Variants in MAGI2 observed in about 807,000 individuals in gnomAD.
The protein encoded by MAGI2 is membrane-associated guanylate kinase, WW and PDZ domain-containing protein 2.
In MAGI2, 35 loss-of-function variants were observed where a neutral mutation model predicts 133.3. The ratio of observed to expected loss-of-function variants is 0.26; its 90% CI spans 0.20 to 0.35. MAGI2 has a LOEUF of 0.35. MAGI2 is among the 10% of genes least tolerant of loss of function. The probability of loss-of-function intolerance (pLI) is 1.00; values close to 1 mark genes in which losing one functional copy is unlikely to be tolerated. For missense variants in MAGI2, 1,636 were observed against 1,863.4 expected, an observed-to-expected ratio of 0.88 and a Z score of 2.25; for synonymous variants, 729 against 710.6, an observed-to-expected ratio of 1.03 and a Z score of -0.41.
chr7:78,771,884 G>C (rs1207865), intron 2 of MAGI2, among the ~76,000 whole-genome samples: 14 of 152,268 alleles, frequency 9.2e-5, no homozygotes, highest in African/African-American at 3.4e-4. Context: ...GCTTTGCTCT[G>C]AGACAAATAA....
intron 2 of MAGI2, among the ~76,000 whole-genome samples, chr7:78,632,535 C>A (rs929569869): frequency 1.3e-5 from 2 of 152,198 alleles, no homozygotes; most frequent in Non-Finnish European, 2.9e-5. Context: ...TAGAAAGAAT[C>A]ACTACATCCT....
intron 21 of MAGI2, among the ~76,000 whole-genome samples, chr7:78,023,339 G>C (rs1808598169): frequency 1.3e-5 from 2 of 152,056 alleles, no homozygotes; most frequent in African/African-American, 4.8e-5. Flanking sequence ...TCTCCTTCCT[G>C]CCTCCCTGCC....
chr7:78,863,369 C>T (rs532578304), intron 2 of MAGI2, among the ~76,000 whole-genome samples: 1 of 152,302 alleles, frequency 6.6e-6, no homozygotes, highest in East Asian at 1.9e-4. Flanking sequence ...GCTGTGTCCA[C>T]TCATGGCAGG....
chr7:78,579,817 G>T (rs1297149222), intron 3 of MAGI2, among the ~76,000 whole-genome samples: 2 of 151,780 alleles, frequency 1.3e-5, no homozygotes, highest in Non-Finnish European at 1.5e-5. Flanking sequence ...TTTCTTACAG[G>T]GATCCATTCT....
chr7:78,756,540 T>C (rs1339588475), intron 2 of MAGI2, among the ~76,000 whole-genome samples: 1 of 152,142 alleles, frequency 6.6e-6, no homozygotes, highest in Non-Finnish European at 1.5e-5. Context: ...TGGGCAGCAA[T>C]ACACGCATTT....
At chr7:79,025,056 A>T (rs1375666952) in intron 1 of MAGI2, among the ~76,000 whole-genome samples, 1 of 152,186 alleles carries the variant, frequency 6.6e-6, no homozygotes, top group Non-Finnish European at 1.5e-5. Context: ...ACATATGCAT[A>T]TGTTTATCAC....
intron 3 of MAGI2, among the ~76,000 whole-genome samples, chr7:78,546,538 G>A (rs934686098): frequency 7.9e-5 from 12 of 152,050 alleles, no homozygotes; most frequent in Non-Finnish European, 1.8e-4. Context: ...TAATCTAATC[G>A]TGGCCTTTCT....
intron 9 of MAGI2, among the ~76,000 whole-genome samples, chr7:78,307,834 A>G (rs1024248682): frequency 4.6e-5 from 7 of 152,310 alleles, no homozygotes; most frequent in African/African-American, 1.7e-4. Flanking sequence ...CTTCTAAAAA[A>G]TCGTTTCAGG....
chr7:78,970,250 C>T (rs916579522), intron 2 of MAGI2, among the ~76,000 whole-genome samples: 17 of 152,028 alleles, frequency 1.1e-4, no homozygotes, highest in Middle Eastern at 3.2e-3. Context: ...GTGACAGATA[C>T]TTTGTTAAGC....
intron 2 of MAGI2, among the ~76,000 whole-genome samples, chr7:78,838,389 T>C (rs1791840170): frequency 6.6e-6 from 1 of 152,062 alleles, no homozygotes; most frequent in Non-Finnish European, 1.5e-5. Context: ...CAATTGATCA[T>C]ACATATCACT....
chr7:78,120,861 C>T (rs1206779950), intron 20 of MAGI2, among the ~76,000 whole-genome samples: 2 of 150,350 alleles, frequency 1.3e-5, no homozygotes, highest in South Asian at 2.1e-4. Flanking sequence ...ATTAGCCGGG[C>T]GTAGTGGCGG....
chr7:79,270,240 T>C (rs1834780249), intron 1 of MAGI2, among the ~76,000 whole-genome samples: 1 of 152,114 alleles, frequency 6.6e-6, no homozygotes, highest in Admixed American at 6.6e-5. Context: ...CTCTGAGCCT[T>C]TGGGGAAATT....
intron 9 of MAGI2, among the ~76,000 whole-genome samples, chr7:78,333,227 C>T (rs1049041311): frequency 3.9e-5 from 6 of 152,080 alleles, no homozygotes; most frequent in Admixed American, 3.9e-4. Flanking sequence ...TTATTTATTG[C>T]TAGCACTACA....
rs757292235 is a variant in MAGI2 at position 78,019,816 on chromosome 7, T to C, written c.3867A>G (p.Lys1289=). The C allele has an allele frequency of 2.1e-5, 34 of 1,613,094 alleles. No individual in the cohort carries two copies. Among genetic ancestry groups the C allele is most frequent in the Admixed American group, 3.3e-5 (2 of 59,994 alleles). Reference sequence around the variant, plus strand: ...TTGGTTTCCTAACGTCGTGTTCCCGTTTGATATCCCAAGTTGGGCCTGGGC... The same window carrying C: ...TTGGTTTCCTAACGTCGTGTTCCCGCTTGATATCCCAAGTTGGGCCTGGGC... ...QISPGPTWDI[K]REHDVRKPKE... Residue 1289 remains lysine, a synonymous_variant, in exon 22 of 22, where the codon AAA becomes AAG. Coordinates refer to ENST00000354212, the MANE Select transcript of MAGI2 (RefSeq NM_012301.4).
chr7:79,001,947 T>C (rs1806900037), intron 2 of MAGI2, among the ~76,000 whole-genome samples: 1 of 152,172 alleles, frequency 6.6e-6, no homozygotes, highest in Non-Finnish European at 1.5e-5. Context: ...CTAAACTCTT[T>C]CAAGACTTTT....
At chr7:78,272,038 G>A (rs1339434039) in intron 9 of MAGI2, among the ~76,000 whole-genome samples, 1 of 152,040 alleles carries the variant, frequency 6.6e-6, no homozygotes, top group Non-Finnish European at 1.5e-5. Flanking sequence ...GCGATGTTAG[G>A]GTGTCGATTT....
At chr7:78,995,605 A>T (rs922686221) in intron 2 of MAGI2, among the ~76,000 whole-genome samples, 7 of 152,158 alleles carry the variant, frequency 4.6e-5, no homozygotes, top group African/African-American at 1.4e-4. Flanking sequence ...AGATACGTTC[A>T]TATCTTCTTC....
intron 1 of MAGI2, among the ~76,000 whole-genome samples, chr7:79,199,853 A>G (rs1828431977): frequency 1.3e-5 from 2 of 151,840 alleles, no homozygotes; most frequent in Admixed American, 6.6e-5. Context: ...ATTTTTTGGG[A>G]TGGAGTAAGT....
rs116074406 is a variant in MAGI2, at chr7:78,136,684, A to G, written c.2846-1478T>C. 5.2e-3 allele frequency among the ~76,000 whole-genome samples: 787 copies of G among 152,282 alleles called. 11 individuals carry two copies. The highest frequency in any genetic ancestry group is 0.018 in the African/African-American group (749 of 41,548). Reference sequence around the variant, plus strand: ...ATAACTCTGTGTTGTTGCTCTCCCTATGGAATCAGGTACTGCTTTGATCTG... The same window carrying G: ...ATAACTCTGTGTTGTTGCTCTCCCTGTGGAATCAGGTACTGCTTTGATCTG... On this transcript the variant is annotated intron_variant, in intron 16 of 21. Transcript: ENST00000354212.
Sources: gnomAD v4.1 joint callset for allele counts (sites outside exome capture counted in the v4.1 genomes callset) on GRCh38, gnomAD v4.1.1 for gene constraint, MANE v1.5 for transcripts, NCBI Gene and HGNC (gene_info 2026-07-23, HGNC 2026-07-21) for gene names.